The following DCC variants were observed in gnomAD, a reference collection of about 807,000 sequenced individuals.
The protein encoded by DCC is DCC netrin 1 receptor.
A neutral mutation model predicts 172.5 loss-of-function variants in DCC; 58 were observed. The ratio of observed to expected loss-of-function variants is 0.34; its 90% CI spans 0.27 to 0.42. The LOEUF is 0.42. DCC is among the 10% of genes least tolerant of loss of function. The pLI, the probability that DCC is intolerant of heterozygous loss-of-function variation, is 1.00. For missense variants in DCC, 1,740 were observed against 1,791.0 expected (o/e 0.97, Z 0.51); for synonymous variants, 709 against 644.5 (o/e 1.10, Z -1.52).
At chr18:52,343,740 A>C (rs969154687) in intron 1 of DCC, among the ~76,000 whole-genome samples, 1 of 152,230 alleles carries the variant, frequency 6.6e-6, no homozygotes, top group African/African-American at 2.4e-5. Flanking sequence ...TGCATTGAAA[A>C]AAATCTGTGA....
intron 12 of DCC, among the ~76,000 whole-genome samples, chr18:53,282,802 A>C (rs1568410652): frequency 6.6e-6 from 1 of 152,148 alleles, no homozygotes; most frequent in Non-Finnish European, 1.5e-5. Context: ...GTTATTGAAT[A>C]TGTGCAGGGA....
In DCC at chr18:53,040,479, A is replaced by G. The variant is rs1292755920; in HGVS notation, c.986-22826A>G. 2.0e-5 allele frequency among the ~76,000 whole-genome samples: 3 copies of G among 152,002 alleles called. 1 individual carries two copies. Among genetic ancestry groups the G allele is most frequent in the Middle Eastern group, 6.3e-3 (2 of 316 alleles). ...TTCATCTCAAACCTGTCACTGAATC[A>G]GAAGCTCTGGGTGTGAATCCAAGGA... On this transcript the variant is annotated intron_variant, in intron 5 of 28. Coordinates refer to ENST00000442544, the MANE Select transcript of DCC (RefSeq NM_005215.4).
intron 1 of DCC, among the ~76,000 whole-genome samples, chr18:52,640,976 C>T (rs879313093): frequency 3.3e-5 from 5 of 152,026 alleles, no homozygotes; most frequent in Non-Finnish European, 7.4e-5. Flanking sequence ...TACAATAAGG[C>T]CATAGTCACC....
chr18:53,252,076 A>G (rs996927483), intron 12 of DCC, among the ~76,000 whole-genome samples: 9 of 151,996 alleles, frequency 5.9e-5, no homozygotes, highest in African/African-American at 2.2e-4. Flanking sequence ...CATAAAATCA[A>G]TCAAGATAGG....
intron 1 of DCC, among the ~76,000 whole-genome samples, chr18:52,729,856 T>C (rs1403666367): frequency 6.6e-6 from 1 of 152,000 alleles, no homozygotes; most frequent in Non-Finnish European, 1.5e-5. Flanking sequence ...ATCTTAGAAA[T>C]CACCTTATCC....
intron 5 of DCC, among the ~76,000 whole-genome samples, chr18:52,986,039 A>G (rs1380166969): frequency 6.6e-6 from 1 of 152,030 alleles, no homozygotes; most frequent in Non-Finnish European, 1.5e-5. Flanking sequence ...GTTTTTAGTA[A>G]TCATTGATAG....
intron 7 of DCC, among the ~76,000 whole-genome samples, chr18:53,095,539 C>A (rs889214377): frequency 6.6e-6 from 1 of 152,118 alleles, no homozygotes; most frequent in African/African-American, 2.4e-5. Flanking sequence ...TTCAGTCTAA[C>A]CAGCTAAAGT....
intron 1 of DCC, among the ~76,000 whole-genome samples, chr18:52,701,399 C>T (rs969312793): frequency 1.3e-5 from 2 of 152,142 alleles, no homozygotes; most frequent in African/African-American, 4.8e-5. Context: ...ACTATCAGTA[C>T]ACAGAAATAC....
intron 7 of DCC, among the ~76,000 whole-genome samples, chr18:53,128,858 CACACACACACACATATATATAT>C (rs1307927997): frequency 3.6e-4 from 27 of 75,474 alleles, no homozygotes; most frequent in South Asian, 1.3e-3. Context: ...CACACACACA[CACACACACACACATATATATAT>C]ATATATATAT....
At chr18:52,778,866 A>G (rs1301601583) in intron 2 of DCC, among the ~76,000 whole-genome samples, 1 of 152,174 alleles carries the variant, frequency 6.6e-6, no homozygotes, top group Non-Finnish European at 1.5e-5. Flanking sequence ...ATAGGGTTGT[A>G]ATTTTATTTT....
chr18:53,113,261 G>T (rs2043360896), intron 7 of DCC, among the ~76,000 whole-genome samples: 1 of 151,318 alleles, frequency 6.6e-6, no homozygotes, highest in Non-Finnish European at 1.5e-5. Context: ...TTATTCAGAG[G>T]CTGCTCGGTA....
intron 13 of DCC, among the ~76,000 whole-genome samples, chr18:53,310,510 C>A (rs1287003397): frequency 6.6e-6 from 1 of 151,808 alleles, no homozygotes; most frequent in East Asian, 1.9e-4. Context: ...AATGAGACAT[C>A]TGCAATAACA....
intron 15 of DCC, among the ~76,000 whole-genome samples, chr18:53,351,291 G>T (rs1599052203): frequency 2.9e-5 from 1 of 34,452 alleles, no homozygotes; most frequent in African/African-American, 1.0e-4. Flanking sequence ...ATTGAGTACA[G>T]TATATATATA....
At chr18:53,214,776 A>C (rs1385910437) in intron 11 of DCC, among the ~76,000 whole-genome samples, 2 of 152,292 alleles carry the variant, frequency 1.3e-5, no homozygotes, top group Middle Eastern at 3.4e-3. Context: ...GCCATTCAAT[A>C]AGTGGTTGTT....
chr18:52,549,989 A>T (rs980905874), intron 1 of DCC, among the ~76,000 whole-genome samples: 8 of 151,938 alleles, frequency 5.3e-5, no homozygotes, highest in African/African-American at 1.9e-4. Context: ...TGGAAAGACC[A>T]AAAAAAGTAA....
intron 12 of DCC, among the ~76,000 whole-genome samples, chr18:53,238,282 G>T (rs539570611): frequency 1.6e-4 from 25 of 152,118 alleles, no homozygotes; most frequent in African/African-American, 6.0e-4. Context: ...ATGACTCCTA[G>T]AATTATTCAA....
In DCC at chr18:53,499,236, T is replaced by C. The variant is rs1242608127; in HGVS notation, c.3899-62T>C. ...TGAATGGATGCAGGGACTGTTCCAG[T>C]GACTTAAGGAAAACAGACTTTGTCC... On this transcript the variant is annotated intron_variant, in intron 26 of 28. Transcript: ENST00000442544. 6 of 1,544,500 alleles carry C rather than the reference T, an allele frequency of 3.9e-6. No individual in the cohort carries two copies. The Admixed American group carries it at 8.4e-5, about 22-fold the overall frequency.
intron 7 of DCC, among the ~76,000 whole-genome samples, chr18:53,082,542 A>T (rs2144139750): frequency 6.6e-6 from 1 of 152,270 alleles, no homozygotes; most frequent in Admixed American, 6.5e-5. Context: ...AAATAAATAT[A>T]TGAAGACTTT....
intron 12 of DCC, among the ~76,000 whole-genome samples, chr18:53,303,718 G>A (rs1203858038): frequency 6.6e-6 from 1 of 152,148 alleles, no homozygotes; most frequent in African/African-American, 2.4e-5. Flanking sequence ...GTAGCATCTA[G>A]GGGTTGCTGT....
Sources: allele counts gnomAD v4.1 joint callset (sites outside exome capture counted in the v4.1 genomes callset), GRCh38; gene constraint gnomAD v4.1.1; transcripts MANE v1.5; gene names NCBI Gene and HGNC (gene_info 2026-07-23, HGNC 2026-07-21).